The following NAALADL2 variants were observed in gnomAD, a reference collection of about 807,000 sequenced individuals.
NAALADL2 encodes the protein N-acetylated alpha-linked acidic dipeptidase like 2, also known as inactive N-acetylated-alpha-linked acidic dipeptidase-like protein 2.
A neutral mutation model predicts 87.2 loss-of-function variants in NAALADL2; 76 were observed. That is an observed-to-expected ratio of 0.87 (90% CI 0.72 to 1.05). The LOEUF is 1.05. Ranked by LOEUF, NAALADL2 falls within the 50% of genes least tolerant of loss-of-function variation. NAALADL2 has a pLI of 0.00. For synonymous variants in NAALADL2, 354 were observed against 331.0 expected, an observed-to-expected ratio of 1.07 and a Z score of -0.75; for missense variants, 1,089 against 945.8, an observed-to-expected ratio of 1.15 and a Z score of -1.99.
intron 1 of NAALADL2, among the ~76,000 whole-genome samples, chr3:175,046,920 A>G (rs1273074951): frequency 6.6e-6 from 1 of 152,188 alleles, no homozygotes; most frequent in Non-Finnish European, 1.5e-5. Context: ...ATGGAAATGT[A>G]TGTTTCACAG....
intron 2 of NAALADL2, among the ~76,000 whole-genome samples, chr3:174,696,937 C>T (rs1426256463): frequency 2.0e-5 from 3 of 152,134 alleles, no homozygotes; most frequent in Non-Finnish European, 1.5e-5. Context: ...AAATTCAAGG[C>T]AGCTGGTTTT....
chr3:175,340,876 A>G (rs1172331081), intron 5 of NAALADL2, among the ~76,000 whole-genome samples: 1 of 152,180 alleles, frequency 6.6e-6, no homozygotes. Context: ...GGACAGAGAT[A>G]CATAGTGTTA....
rs73033646 is a variant in NAALADL2, at chr3:175,417,648, A to C, written c.1091-29581A>C. ...CTGTAGTTTAAAAATTCTAACTAAAATACTGAAATAAGGAAGAGGAAACAT... is the reference window on the plus strand; with the variant it reads ...CTGTAGTTTAAAAATTCTAACTAAACTACTGAAATAAGGAAGAGGAAACAT... On this transcript the variant is annotated intron_variant, in intron 5 of 13. Coordinates refer to ENST00000454872, the MANE Select transcript of NAALADL2 (RefSeq NM_207015.3). Among the ~76,000 whole-genome samples, 206 of 152,248 alleles carry C rather than the reference A, an allele frequency of 1.4e-3. 1 individual carries two copies. The highest frequency in any genetic ancestry group is 4.9e-3 in the African/African-American group (203 of 41,564).
chr3:174,898,038 G>A (rs189893645), intron 1 of NAALADL2, among the ~76,000 whole-genome samples: 2 of 130,642 alleles, frequency 1.5e-5, no homozygotes, highest in East Asian at 2.1e-4. Flanking sequence ...GCGTGAACCC[G>A]GGAGGCGGAG....
intron 2 of NAALADL2, among the ~76,000 whole-genome samples, chr3:175,114,707 G>A (rs1724802846): frequency 6.6e-6 from 1 of 151,604 alleles, no homozygotes; most frequent in Admixed American, 6.6e-5. Context: ...TGGTTCAAAT[G>A]TCACAGTAAT....
At chr3:175,125,460 G>A (rs1726804338) in intron 2 of NAALADL2, among the ~76,000 whole-genome samples, 1 of 152,048 alleles carries the variant, frequency 6.6e-6, no homozygotes, top group Admixed American at 6.6e-5. Flanking sequence ...GTAGATGATG[G>A]TGGCTTGTAC....
At chr3:174,580,249 C>T (rs1716012169) in intron 2 of NAALADL2, among the ~76,000 whole-genome samples, 1 of 151,950 alleles carries the variant, frequency 6.6e-6, no homozygotes, top group African/African-American at 2.4e-5. Context: ...CACTTTTGAA[C>T]ATTTGTACGT....
In NAALADL2 at chr3:174,906,596, C is replaced by T. The variant is rs13321812; in HGVS notation, c.43+47146C>T. Among the ~76,000 whole-genome samples, 972 of 152,124 alleles carry T rather than the reference C, an allele frequency of 6.4e-3. 15 individuals are homozygous for T. Among genetic ancestry groups the T allele is most frequent in the African/African-American group, 0.021 (856 of 41,476 alleles). ...CTGAGATGCTGTTTCCAATAGCCTG[C>T]AAAGAACTGAATCTTGCCAACAAGC... On this transcript the variant is annotated intron_variant, in intron 1 of 13. Coordinates refer to ENST00000454872, the MANE Select transcript of NAALADL2 (RefSeq NM_207015.3).
At chr3:175,544,976 C>A (rs1713047244) in intron 9 of NAALADL2, among the ~76,000 whole-genome samples, 1 of 152,164 alleles carries the variant, frequency 6.6e-6, no homozygotes, top group Non-Finnish European at 1.5e-5. Context: ...ACTCAAGATT[C>A]TTTCGATGGA....
chr3:175,625,544 G>A (rs1298037454), intron 10 of NAALADL2, among the ~76,000 whole-genome samples: 2 of 151,990 alleles, frequency 1.3e-5, no homozygotes, highest in East Asian at 3.8e-4. Context: ...TGCATGTTGA[G>A]AGTAGATAGA....
rs373338249 is a variant in NAALADL2, at chr3:175,620,778, A to G, written c.1801-6513A>G. The stretch of plus-strand genomic sequence containing the variant: ...TGTTGCCGCTCTTTTCGTGCCTGCA[A>G]TCTGGCAGGTTACAGGTTCTTGTCC... On this transcript the variant is annotated intron_variant, in intron 10 of 13. Transcript: ENST00000454872. Among the ~76,000 whole-genome samples, 29 of 152,258 alleles carry G rather than the reference A, an allele frequency of 1.9e-4. No homozygotes were observed. The East Asian group carries it at 2.3e-3, about 12-fold the overall frequency.
Position 175,803,085 on chromosome 3 carries a change from C to T in NAALADL2, c.2270C>T (p.Ala757Val). ...GCTTGGGAACACTGCAAACCCCTTG[C>T]ATCAAATGAGACCCTTCAAGAAGCC... The part of the protein sequence containing the change: ...IEAWEHCKPL[A>V]SNETLQEALS... Residue 757 changes from alanine (A) to valine (V), a missense_variant, in exon 14 of 14, where the codon GCA (alanine) becomes GTA (valine). Transcript: ENST00000454872. 6.2e-7 allele frequency: 1 copy of T among 1,612,376 alleles called. No individual in the cohort carries two copies. The highest frequency in any genetic ancestry group is 2.2e-5 in the East Asian group (1 of 44,826).
intron 10 of NAALADL2, among the ~76,000 whole-genome samples, chr3:175,624,553 T>C (rs2149709105): frequency 6.6e-6 from 1 of 152,172 alleles, no homozygotes. Context: ...TATTTCTTTG[T>C]AGTTGTCCTT....
At position 175,533,180 on chromosome 3, in the gene NAALADL2, G is replaced by A. The variant is rs921422920; in HGVS notation, c.1654-42861G>A. Among the ~76,000 whole-genome samples, 34 of 152,276 alleles carry A rather than the reference G, an allele frequency of 2.2e-4. 2 individuals carry two copies. The highest frequency in any genetic ancestry group is 8.5e-4 in the Admixed American group (13 of 15,290). On this transcript the variant is annotated intron_variant, in intron 9 of 13. Transcript: ENST00000454872. ...TAAATTTAGCCTGATCCAACTCTAT[G>A]TTCCTTCCACCATTATCCCATGCCC...
chr3:174,751,514 T>C (rs1281061207), intron 3 of NAALADL2, among the ~76,000 whole-genome samples: 31 of 151,830 alleles, frequency 2.0e-4, no homozygotes, highest in Admixed American at 2.0e-3. Flanking sequence ...AATACAAAAA[T>C]TAGCCAGGCG....
At chr3:175,312,492 G>C (rs867382147) in intron 4 of NAALADL2, among the ~76,000 whole-genome samples, 2 of 151,210 alleles carry the variant, frequency 1.3e-5, no homozygotes, top group African/African-American at 4.9e-5. Context: ...AACTCTCATA[G>C]TATTGATTTC....
chr3:174,778,654 G>A (rs572511966), intron 3 of NAALADL2, among the ~76,000 whole-genome samples: 21 of 152,034 alleles, frequency 1.4e-4, no homozygotes, highest in African/African-American at 4.8e-4. Context: ...ACAGGACCCC[G>A]TGTGTGATGT....
chr3:174,853,217 A>G (rs1022829818), intron 3 of NAALADL2, among the ~76,000 whole-genome samples: 4 of 148,340 alleles, frequency 2.7e-5, no homozygotes, highest in Non-Finnish European at 4.5e-5. Flanking sequence ...AAAAAAAAAA[A>G]AAAAAAAAAA....
intron 13 of NAALADL2, among the ~76,000 whole-genome samples, chr3:175,765,572 G>C (rs763259761): frequency 6.6e-6 from 1 of 152,068 alleles, no homozygotes; most frequent in South Asian, 2.1e-4. Flanking sequence ...TATCAAAATA[G>C]AAATACTTGT....
Sources: allele counts gnomAD v4.1 joint callset (sites outside exome capture counted in the v4.1 genomes callset), GRCh38; gene constraint gnomAD v4.1.1; transcripts MANE v1.5; gene names NCBI Gene and HGNC (gene_info 2026-07-23, HGNC 2026-07-21).